The following MYO18B variants were observed in gnomAD, a reference collection of about 807,000 sequenced individuals.
MYO18B encodes the protein myosin XVIIIB, also known as unconventional myosin-XVIIIb.
MYO18B carries 204 observed loss-of-function variants against 273.0 expected under a neutral mutation model. That is an observed-to-expected ratio of 0.75 (90% CI 0.67 to 0.84). MYO18B has a LOEUF of 0.84. MYO18B is among the 40% of genes least tolerant of loss of function. The probability of loss-of-function intolerance (pLI) is 0.00; values close to 1 mark genes in which losing one functional copy is unlikely to be tolerated. For missense variants in MYO18B, 3,212 were observed against 3,287.6 expected (o/e 0.98, Z 0.56); for synonymous variants, 1,330 against 1,305.7 (o/e 1.02, Z -0.40).
intron 12 of MYO18B, among the ~76,000 whole-genome samples, chr22:25,818,975 A>G (rs11703640): frequency 0.032 from 4,822 of 152,218 alleles, 139 homozygotes; most frequent in East Asian, 0.12. Flanking sequence ...ACCCAGATCC[A>G]GTTTGGGCCA....
chr22:25,919,946 TATCTC>T (rs2092317572), intron 33 of MYO18B, among the ~76,000 whole-genome samples: 1 of 152,162 alleles, frequency 6.6e-6, no homozygotes, highest in African/African-American at 2.4e-5. Context: ...ATCCTTGTCT[TATCTC>T]AACACGAAGG....
rs554144546 is a variant in MYO18B, at chr22:26,028,887, C to CAAA, written c.*12+1217_*12+1219dup. 4.9e-3 allele frequency among the ~76,000 whole-genome samples: 367 copies of CAAA among 75,576 alleles called. 7 individuals are homozygous for CAAA. The highest frequency in any genetic ancestry group is 0.016 in the African/African-American group (348 of 22,328). 49.6% of individuals were successfully genotyped at this position (75,576 alleles called of 152,430 possible). ...TGGGCGACAGAGCGAGACTCCGTCT[C>CAAA]AAAAAAAAAAAAAAAAAAAAAATTC... On this transcript the variant is annotated intron_variant, in intron 43 of 43. Transcript: ENST00000335473.
intron 39 of MYO18B, among the ~76,000 whole-genome samples, chr22:25,988,215 A>G (rs1464970052): frequency 6.6e-6 from 1 of 151,954 alleles, no homozygotes; most frequent in African/African-American, 2.4e-5. Context: ...TATCTGCCCC[A>G]GGGAGACTGT....
chr22:26,036,258 T>C, the MYO18B span, among the ~76,000 whole-genome samples: 1 of 152,204 alleles, frequency 6.6e-6, no homozygotes, highest in Non-Finnish European at 1.5e-5. Context: ...GCTGTCAATA[T>C]AGGCAGCTCC....
At chr22:25,916,248 G>T (rs933911793) in intron 33 of MYO18B, among the ~76,000 whole-genome samples, 1 of 152,040 alleles carries the variant, frequency 6.6e-6, no homozygotes, top group African/African-American at 2.4e-5. Flanking sequence ...GATTAGTCTT[G>T]TTAGAGTTTT....
At chr22:26,022,269 A>AG (rs1286059759) in intron 42 of MYO18B, among the ~76,000 whole-genome samples, 2 of 111,774 alleles carry the variant, frequency 1.8e-5, no homozygotes, top group African/African-American at 3.3e-5. Context: ...GAGGACAGCT[A>AG]GAAAAAAAAA....
At chr22:25,870,906 G>A (rs1179356475) in intron 22 of MYO18B, among the ~76,000 whole-genome samples, 1 of 152,170 alleles carries the variant, frequency 6.6e-6, no homozygotes, top group Non-Finnish European at 1.5e-5. Flanking sequence ...TCTTGCAGAA[G>A]AAGAAAGAAA....
intron 12 of MYO18B, among the ~76,000 whole-genome samples, chr22:25,813,262 G>A (rs1307415052): frequency 1.4e-5 from 2 of 143,622 alleles, no homozygotes; most frequent in East Asian, 2.1e-4. Context: ...TCAGCTCACC[G>A]CAACCTCCAC....
rs116611428 is a variant in MYO18B, at chr22:25,836,367, C to T, written c.3208+924C>T. Among the ~76,000 whole-genome samples, 1,279 of 152,160 alleles carry T rather than the reference C, an allele frequency of 8.4e-3. 9 individuals are homozygous for T. Among genetic ancestry groups the T allele is most frequent in the African/African-American group, 0.018 (767 of 41,514 alleles). On this transcript the variant is annotated intron_variant, in intron 17 of 43. Coordinates refer to ENST00000335473, the MANE Select transcript of MYO18B (RefSeq NM_032608.7). ...ATTATGTGCATGCAGAGCTTTGTCA[C>T]CGGGGTCAAGGTGTTGCAGGTTTAT...
intron 28 of MYO18B, chr22:25,897,186 G>A (rs2331164): frequency 0.14 from 21,363 of 152,186 alleles, 1,948 homozygotes; most frequent in East Asian, 0.32. Flanking sequence ...ATGTTGTATT[G>A]TAATTACCTA....
the MYO18B span, among the ~76,000 whole-genome samples, chr22:26,041,549 C>T: frequency 0.31 from 47,414 of 151,578 alleles, 11,337 homozygotes; most frequent in African/African-American, 0.67. Context: ...ATAATAATAA[C>T]AATAAAAAGA....
At chr22:25,838,825 G>A (rs1230316613) in intron 17 of MYO18B, among the ~76,000 whole-genome samples, 4 of 152,102 alleles carry the variant, frequency 2.6e-5, no homozygotes, top group African/African-American at 9.7e-5. Flanking sequence ...GTGTGTATGT[G>A]TGTATGTCTG....
intron 17 of MYO18B, 143 bp downstream of exon 17, chr22:25,835,586 C>A: frequency 9.8e-7 from 1 of 1,017,102 alleles, no homozygotes; most frequent in Non-Finnish European, 1.4e-6. Flanking sequence ...CCTGTGTATG[C>A]TTTCATTCAT....
At chr22:26,043,632 T>A in the MYO18B span, among the ~76,000 whole-genome samples, 1 of 150,858 alleles carries the variant, frequency 6.6e-6, no homozygotes, top group East Asian at 2.0e-4. Context: ...TGCCTCAGCC[T>A]CCCGAGTAGC....
In MYO18B at chr22:26,027,537, T is replaced by C. The variant is rs1424938464; in HGVS notation, c.7563T>C (p.Ala2521=). 3 of 1,613,986 alleles carry C rather than the reference T, an allele frequency of 1.9e-6. No individual in the cohort carries two copies. Among genetic ancestry groups the C allele is most frequent in the East Asian group, 4.5e-5 (2 of 44,872 alleles). ...SSGSIVSFKS[A]DSIKSRPGIP... ...GCTCCATCGTGTCCTTCAAAAGTGC[T>C]GACAGCATCAAAAGTCGACCAGGAA... The change falls in exon 43 of 44, where the codon GCT becomes GCC. Residue 2521 remains alanine (A), a synonymous_variant. Transcript: ENST00000335473. This position sits in a 1 kb window ranked among gnomAD's most constrained non-coding sequence, Gnocchi z 4.1.
chr22:25,902,922 A>T (rs1362125527), intron 30 of MYO18B, 186 bp downstream of exon 30: 3 of 634,660 alleles, frequency 4.7e-6, no homozygotes, highest in Non-Finnish European at 7.9e-6. Context: ...TGATAATCAG[A>T]CTTTGAGCAA....
rs2086290335 is a variant in MYO18B at position 25,760,900 on chromosome 22, G to A, written c.-109-84G>A. 4.7e-6 allele frequency: 3 copies of A among 634,082 alleles called. No homozygotes were observed. The East Asian group carries it at 8.3e-5, about 17-fold the overall frequency. The allele number at this position is 634,082 out of a possible 1,614,324, so 39.3% of individuals were successfully genotyped here. A position where few individuals can be genotyped will look rare whatever the true frequency, so the allele number is the denominator to read the frequency against. On this transcript the variant is annotated intron_variant, in intron 1 of 43. Coordinates refer to ENST00000335473, the MANE Select transcript of MYO18B (RefSeq NM_032608.7). ...ATTCCCCCATGTGGTCTTGGTTTAT[G>A]GCGTTGGTGGGGGTGGGAGTAGGGC...
intron 24 of MYO18B, chr22:25,877,372 TTTTGATATA>T (rs1341859590): frequency 5.9e-5 from 9 of 152,216 alleles, no homozygotes; most frequent in African/African-American, 2.2e-4. Context: ...TAATGTGATG[TTTTGATATA>T]TGTTTACAAT....
At chr22:25,945,576 G>A (rs925628196) in intron 34 of MYO18B, among the ~76,000 whole-genome samples, 3 of 152,010 alleles carry the variant, frequency 2.0e-5, no homozygotes, top group African/African-American at 4.8e-5. Context: ...TTGATGAATA[G>A]TTGTGAAGAC....
Sources: gnomAD v4.1 joint callset for allele counts (sites outside exome capture counted in the v4.1 genomes callset) on GRCh38, gnomAD v4.1.1 for gene constraint, Gnocchi (gnomAD v3.1) non-coding constraint, MANE v1.5 for transcripts, NCBI Gene and HGNC (gene_info 2026-07-23, HGNC 2026-07-21) for gene names.